MCM3AP: variants seen among roughly 807,000 people sequenced by gnomAD.
The protein encoded by MCM3AP is minichromosome maintenance complex component 3 associated protein, also known as germinal-center associated nuclear protein.
MCM3AP carries 126 observed loss-of-function variants against 184.1 expected under a neutral mutation model. The ratio of observed to expected loss-of-function variants is 0.68; its 90% confidence interval spans 0.59 to 0.79. The LOEUF (loss-of-function observed/expected upper bound fraction) is 0.79, where lower values mean the gene tolerates loss of function less well. Among genes scored for constraint, MCM3AP ranks in the 30% least tolerant of loss-of-function variants. The pLI is 0.00. For synonymous variants in MCM3AP, 1,002 were observed against 979.3 expected (o/e 1.02, Z -0.43); for missense variants, 2,496 against 2,479.2 (o/e 1.01, Z -0.14).
chr21:46,278,045 A>G (rs1022069391), intron 4 of MCM3AP, among the ~76,000 whole-genome samples: 2 of 152,060 alleles, frequency 1.3e-5, no homozygotes, highest in Non-Finnish European at 2.9e-5. Context: ...CAGCTACTCG[A>G]GAGGCTGGGG....
intron 12 of MCM3AP, among the ~76,000 whole-genome samples, chr21:46,264,441 C>A (rs1370157916): frequency 2.6e-5 from 4 of 152,174 alleles, no homozygotes; most frequent in African/African-American, 9.7e-5. Flanking sequence ...CCTGGCCTAG[C>A]CATCTCCAGT....
At chr21:46,257,926 A>AC (rs1276492905) in intron 16 of MCM3AP, among the ~76,000 whole-genome samples, 3 of 148,348 alleles carry the variant, frequency 2.0e-5, no homozygotes, top group Non-Finnish European at 3.0e-5. Flanking sequence ...CTCCATCTCA[A>AC]AAAAAAAAAA....
intron 20 of MCM3AP, among the ~76,000 whole-genome samples, chr21:46,248,357 C>A (rs1247711636): frequency 6.6e-6 from 1 of 152,266 alleles, no homozygotes; most frequent in East Asian, 1.9e-4. Flanking sequence ...CTGAGAATAC[C>A]AGCAGCTCCC....
At position 46,257,691 on chromosome 21, in the gene MCM3AP, C is replaced by T. The variant is rs537362687; in HGVS notation, c.3735-705G>A. Among the ~76,000 whole-genome samples, 287 of 151,698 alleles carry T rather than the reference C, an allele frequency of 1.9e-3. 1 individual carries two copies. Among genetic ancestry groups the T allele is most frequent in the African/African-American group, 6.4e-3 (267 of 41,396 alleles). On this transcript the variant is annotated intron_variant, in intron 16 of 27. Coordinates refer to ENST00000291688, the MANE Select transcript of MCM3AP (RefSeq NM_003906.5). ...ATCCCAGCACTTTGGGAGGCCGAGGCGGGCGGATCACGAGGTCAGGAGTTC... is the reference window on the plus strand; with the variant it reads ...ATCCCAGCACTTTGGGAGGCCGAGGTGGGCGGATCACGAGGTCAGGAGTTC...
At chr21:46,245,323 G>A in intron 22 of MCM3AP, 126 bp from the exon 23 acceptor site, 1 of 805,192 alleles carries the variant, frequency 1.2e-6, no homozygotes, top group Non-Finnish European at 1.9e-6. Context: ...TCTCAACTGT[G>A]GTAGGAAGGG....
rs2080689538 is a variant in MCM3AP at position 46,242,727 on chromosome 21, A to G, written c.5426+75T>C. The G allele has an allele frequency of 5.4e-6, 8 of 1,470,340 alleles. No individual in the cohort carries two copies. The South Asian group carries it at 8.8e-5, about 16-fold the overall frequency. 91.1% of individuals were successfully genotyped at this position (1,470,340 alleles called of 1,614,324 possible). On this transcript the variant is annotated intron_variant, in intron 25 of 27. Coordinates refer to ENST00000291688, the MANE Select transcript of MCM3AP (RefSeq NM_003906.5). The stretch of plus-strand genomic sequence containing the variant: ...CAGTGGACTGGATTTGGCATGTAGG[A>G]TGTTAATTTCTATTTACTTTGCAAG...
In MCM3AP at chr21:46,246,874, C is replaced by G. The variant is rs115316083; in HGVS notation, c.4303G>C (p.Ala1435Pro). ...VNVCIKVAHG[A>P]LSDGAIDAVE... ...GCATCAATGGCACCATCACTGAGGG[C>G]GCCATGGGCCACCTGCAACAGCATC... Residue 1435 changes from alanine (A) to proline (P), a missense_variant, in exon 21 of 28, where the codon GCC (alanine) becomes CCC (proline). By Grantham distance (27) the Ala-to-Pro change is conservative (BLOSUM62 -1). Transcript: ENST00000291688. The G allele has an allele frequency of 6.2e-7, 1 of 1,613,414 alleles. No individual in the cohort carries two copies. Among genetic ancestry groups the G allele is most frequent in the Admixed American group, 1.7e-5 (1 of 59,982 alleles).
chr21:46,237,317 G>A (rs1170080073), intron 26 of MCM3AP, among the ~76,000 whole-genome samples: 3 of 151,992 alleles, frequency 2.0e-5, no homozygotes, highest in African/African-American at 7.2e-5. Context: ...TGCCCAAGCT[G>A]GTCTTGAACT....
At chr21:46,279,903 CCA>C (rs887152694) in intron 4 of MCM3AP, 88 bp downstream of exon 4, 1 of 1,355,866 alleles carries the variant, frequency 7.4e-7, no homozygotes, top group African/African-American at 1.5e-5. Flanking sequence ...TCACCACTCC[CCA>C]CAGTCTTGCA....
chr21:46,236,797 AT>A lies in MCM3AP; in HGVS notation c.5784+31del, dbSNP rs908349111. 39 of 1,457,032 alleles carry A rather than the reference AT, an allele frequency of 2.7e-5. No homozygotes were observed. In the Admixed American group the frequency reaches 7.2e-4, roughly 27 times the overall value. 90.3% of individuals were successfully genotyped at this position (1,457,032 alleles called of 1,614,324 possible). On this transcript the variant is annotated intron_variant, in intron 27 of 27. Transcript: ENST00000291688. ...GCCATTCTCTCAATCTTTAATTCTT[AT>A]GTAAATGCCAAATGTATACGTTCTT... is the stretch of plus-strand genomic sequence containing the variant.
At chr21:46,246,157 C>T (rs1025649042) in intron 22 of MCM3AP, 150 bp downstream of exon 22, 208 of 601,958 alleles carry the variant, frequency 3.5e-4, no homozygotes, top group Non-Finnish European at 5.4e-4. Context: ...TTGCAGGGAG[C>T]TATCATCATG....
At chr21:46,269,729 CAG>C (rs2081157033) in intron 9 of MCM3AP, among the ~76,000 whole-genome samples, 1 of 152,202 alleles carries the variant, frequency 6.6e-6, no homozygotes, top group Non-Finnish European at 1.5e-5. Flanking sequence ...GAATGGGCAG[CAG>C]AGTGTGTGCG....
chr21:46,281,993 G>A (rs561137056), intron 2 of MCM3AP, among the ~76,000 whole-genome samples: 250 of 152,000 alleles, frequency 1.6e-3, no homozygotes, highest in Non-Finnish European at 3.0e-3. Context: ...GCAAGGCCCC[G>A]TCTCAAAAAC....
In MCM3AP at chr21:46,283,602, T is replaced by C. The variant is rs367979852; in HGVS notation, c.1443+13A>G. 27 of 1,577,944 alleles carry C rather than the reference T, an allele frequency of 1.7e-5. No homozygotes were observed. In the African/African-American group the frequency reaches 3.2e-4, roughly 19 times the overall value. ...AAATCTAGGGTAACAAATGGCAAGA[T>C]GGGAGTACTCACATGATCAAAGAAA... On this transcript the variant is annotated intron_variant, in intron 2 of 27. Transcript: ENST00000291688.
At chr21:46,265,612 G>A in intron 11 of MCM3AP, 89 bp from the exon 12 acceptor site, 2 of 1,110,886 alleles carry the variant, frequency 1.8e-6, no homozygotes, top group Middle Eastern at 2.4e-4. Flanking sequence ...GACAGCCCCA[G>A]GCCACCCACA....
At position 46,270,520 on chromosome 21, in the gene MCM3AP, C is replaced by G; in HGVS notation, c.2509G>C (p.Val837Leu). 1.2e-6 allele frequency: 2 copies of G among 1,613,544 alleles called. No homozygotes were observed. The highest frequency in any genetic ancestry group is 8.5e-7 in the Non-Finnish European group (1 of 1,179,782). Residue 837 changes from valine to leucine, a missense_variant, in exon 9 of 28, where the codon GTG becomes CTG. Coordinates refer to ENST00000291688, the MANE Select transcript of MCM3AP (RefSeq NM_003906.5). Reference sequence around the variant, plus strand: ...GCAAAAGCCTGAACAGCAAATTTCACCTCAGATGAGTTTCTAACAGCAGGA... The same window carrying G: ...GCAAAAGCCTGAACAGCAAATTTCAGCTCAGATGAGTTTCTAACAGCAGGA... ...FHPAVRNSSE[V>L]KFAVQAFAAL... is the part of the protein sequence containing the mutation.
chr21:46,282,487 T>C (rs1318202337), intron 2 of MCM3AP, among the ~76,000 whole-genome samples: 1 of 152,202 alleles, frequency 6.6e-6, no homozygotes, highest in African/African-American at 2.4e-5. Context: ...GCAGTCCACG[T>C]TCACTGCACC....
At position 46,257,706 on chromosome 21, in the gene MCM3AP, G is replaced by A. The variant is rs573971628; in HGVS notation, c.3735-720C>T. Among the ~76,000 whole-genome samples the A allele has an allele frequency of 2.6e-5, 4 of 151,746 alleles. No individual in the cohort carries two copies. In the East Asian group the frequency reaches 7.8e-4, roughly 30 times the overall value. ...GAGGCCGAGGCGGGCGGATCACGAGGTCAGGAGTTCGAGAGCAGCCTGGCC... is the reference window on the plus strand; with the variant it reads ...GAGGCCGAGGCGGGCGGATCACGAGATCAGGAGTTCGAGAGCAGCCTGGCC... On this transcript the variant is annotated intron_variant, in intron 16 of 27. Transcript: ENST00000291688.
Position 46,277,595 on chromosome 21 carries a change from C to T in MCM3AP, c.1790G>A (p.Gly597Asp), listed in dbSNP as rs762138971. 1.4e-5 allele frequency: 23 copies of T among 1,611,254 alleles called. No homozygotes were observed. The highest frequency in any genetic ancestry group is 1.8e-5 in the Non-Finnish European group (21 of 1,178,858). ...PCVLSLSTLI[G>D]TVAETSKEKY... ...CTCCTTGGATGTCTCAGCCACAGTG[C>T]CTATCAGGGTACTGAGGGAGAGCAC... The change falls in exon 5 of 28, where the codon GGC becomes GAC. Residue 597 changes from glycine to aspartate, a missense_variant. Gly to Asp is a moderately conservative substitution (Grantham distance 94). Transcript: ENST00000291688.
Sources: gnomAD v4.1 joint callset for allele counts (sites outside exome capture counted in the v4.1 genomes callset) on GRCh38, gnomAD v4.1.1 for gene constraint, MANE v1.5 for transcripts, NCBI Gene and HGNC (gene_info 2026-07-23, HGNC 2026-07-21) for gene names.